NRXN3: variants seen among roughly 807,000 people sequenced by gnomAD.
NRXN3 encodes neurexin 3, also known as neurexin III.
Under a neutral mutation model 137.6 loss-of-function variants are expected in NRXN3, and 32 were observed. The ratio of observed to expected loss-of-function variants is 0.23; its 90% CI spans 0.18 to 0.31. The LOEUF is 0.31. NRXN3 is among the 10% of genes least tolerant of loss of function. The pLI is 1.00. For synonymous variants in NRXN3, 798 were observed against 784.5 expected (o/e 1.02, Z -0.29); for missense variants, 1,574 against 2,062.5 (o/e 0.76, Z 4.59).
intron 4 of NRXN3, among the ~76,000 whole-genome samples, chr14:78,423,005 A>G (rs1057489794): frequency 1.3e-5 from 2 of 152,228 alleles, no homozygotes; most frequent in African/African-American, 4.8e-5. Flanking sequence ...GCATGAAACA[A>G]AAAAGCAAAC....
intron 15 of NRXN3, among the ~76,000 whole-genome samples, chr14:79,041,922 G>A (rs1308931090): frequency 3.9e-5 from 6 of 152,120 alleles, no homozygotes; most frequent in Admixed American, 6.6e-5. Flanking sequence ...AAGAATAGGA[G>A]GGGAGGGAAT....
At chr14:78,809,767 C>T (rs1175738161) in intron 9 of NRXN3, among the ~76,000 whole-genome samples, 3 of 152,106 alleles carry the variant, frequency 2.0e-5, no homozygotes, top group African/African-American at 7.2e-5. Context: ...GGGTTAAGTA[C>T]GTCACTGAGC....
intron 1 of NRXN3, among the ~76,000 whole-genome samples, chr14:78,185,208 G>A (rs2060134632): frequency 6.6e-6 from 1 of 152,212 alleles, no homozygotes; most frequent in Non-Finnish European, 1.5e-5. Flanking sequence ...CCTAATCACT[G>A]CAGGAGGCCT....
intron 15 of NRXN3, among the ~76,000 whole-genome samples, chr14:79,376,867 T>C (rs2094317642): frequency 6.6e-6 from 1 of 152,234 alleles, no homozygotes; most frequent in African/African-American, 2.4e-5. Flanking sequence ...GCAAAGATGT[T>C]AATGCCATGC....
intron 15 of NRXN3, among the ~76,000 whole-genome samples, chr14:79,345,843 G>A (rs1176801463): frequency 6.6e-6 from 1 of 152,078 alleles, no homozygotes; most frequent in Non-Finnish European, 1.5e-5. Flanking sequence ...CTTCCTGTAC[G>A]TCCTGCAGAT....
intron 1 of NRXN3, among the ~76,000 whole-genome samples, chr14:78,219,845 G>T (rs2063661627): frequency 6.6e-6 from 1 of 152,184 alleles, no homozygotes; most frequent in Admixed American, 6.5e-5. Context: ...GAGGTTGGAA[G>T]TACAAAGATC....
intron 6 of NRXN3, among the ~76,000 whole-genome samples, chr14:78,694,361 A>T (rs561796263): frequency 3.2e-4 from 48 of 152,026 alleles, no homozygotes; most frequent in Non-Finnish European, 5.4e-4. Context: ...GGGAAGGGCC[A>T]ATGACTCTTT....
chr14:79,862,161 C>G lies in NRXN3; in HGVS notation c.*197C>G. The G allele has an allele frequency of 1.8e-6, 1 of 561,616 alleles. No individual in the cohort carries two copies. Among genetic ancestry groups the G allele is most frequent in the Non-Finnish European group, 3.1e-6 (1 of 317,600 alleles). 34.8% of individuals were successfully genotyped at this position (561,616 alleles called of 1,614,324 possible). A position where few individuals can be genotyped will look rare whatever the true frequency, so the allele number is the denominator to read the frequency against. On this transcript the variant is annotated 3_prime_UTR_variant, in exon 21 of 21. Transcript: ENST00000335750. Reference sequence around the variant, plus strand: ...CGATGCATCTCTCTCTAAAGCTCAGCCACGGCTGCGGCAAGGTCCCAGCGG... The same window carrying G: ...CGATGCATCTCTCTCTAAAGCTCAGGCACGGCTGCGGCAAGGTCCCAGCGG...
chr14:79,170,418 T>G (rs1281776568), intron 15 of NRXN3, among the ~76,000 whole-genome samples: 1 of 152,140 alleles, frequency 6.6e-6, no homozygotes, highest in East Asian at 1.9e-4. Flanking sequence ...TCCATACTTA[T>G]GTCAGATGGG....
chr14:79,849,724 C>G (rs895333038), intron 20 of NRXN3, among the ~76,000 whole-genome samples: 1 of 152,138 alleles, frequency 6.6e-6, no homozygotes, highest in African/African-American at 2.4e-5. Context: ...ATGGAATTGC[C>G]ATATAACCCA....
At chr14:78,818,795 C>A (rs1447832474) in intron 10 of NRXN3, among the ~76,000 whole-genome samples, 1 of 152,060 alleles carries the variant, frequency 6.6e-6, no homozygotes, top group Non-Finnish European at 1.5e-5. Context: ...AGGAGGAATT[C>A]TCATAGACTG....
At chr14:79,433,554 A>G (rs530799089) in intron 15 of NRXN3, among the ~76,000 whole-genome samples, 4 of 152,242 alleles carry the variant, frequency 2.6e-5, no homozygotes, top group African/African-American at 9.6e-5. Flanking sequence ...TGGGACCCCA[A>G]TTCTCTTTTT....
intron 20 of NRXN3, among the ~76,000 whole-genome samples, chr14:79,808,137 C>T (rs574191310): frequency 1.6e-4 from 24 of 151,614 alleles, no homozygotes; most frequent in African/African-American, 5.6e-4. Context: ...ACTCGGGAGG[C>T]TGAGGTAGAG....
chr14:78,243,042 C>T lies in NRXN3; in HGVS notation c.-52C>T, dbSNP rs2067234203. 1.6e-5 allele frequency: 21 copies of T among 1,328,092 alleles called. No homozygotes were observed. Among genetic ancestry groups the T allele is most frequent in the African/African-American group, 3.0e-5 (2 of 67,724 alleles). 82.3% of individuals were successfully genotyped at this position (1,328,092 alleles called of 1,614,324 possible). A position where few individuals can be genotyped will look rare whatever the true frequency, so the allele number is the denominator to read the frequency against. On this transcript the variant is annotated 5_prime_UTR_variant, in exon 2 of 21. Transcript: ENST00000335750. The surrounding 1 kb of genome is among the most constrained non-coding windows in gnomAD (Gnocchi z 4.2). ...TATTGCCAAAGGGAGAGATCCTCTC[C>T]GGGCTGTTCCCTGGCCTGTCTGCTC...
chr14:78,667,909 G>T (rs542172647), intron 6 of NRXN3, among the ~76,000 whole-genome samples: 1 of 151,854 alleles, frequency 6.6e-6, no homozygotes, highest in Admixed American at 6.6e-5. Context: ...TCTGCCTCCC[G>T]AGTAGCTGGG....
chr14:78,771,076 T>C (rs1274851494), intron 8 of NRXN3, among the ~76,000 whole-genome samples: 1 of 152,200 alleles, frequency 6.6e-6, no homozygotes. Flanking sequence ...CTAAATGCTT[T>C]GGACCACTTG....
At chr14:78,985,432 T>G (rs1461976886) in intron 14 of NRXN3, among the ~76,000 whole-genome samples, 1 of 152,192 alleles carries the variant, frequency 6.6e-6, no homozygotes, top group Non-Finnish European at 1.5e-5. Context: ...ATGCAAAAAT[T>G]AATGACGCAG....
chr14:79,330,292 A>G (rs1166590349), intron 15 of NRXN3, among the ~76,000 whole-genome samples: 1 of 152,100 alleles, frequency 6.6e-6, no homozygotes, highest in Non-Finnish European at 1.5e-5. Context: ...AATGATGGAA[A>G]TATTTGATTC....
rs760336563 is a variant in NRXN3 at position 78,810,324 on chromosome 14, T to A, written c.2255T>A (p.Ile752Asn). ...RVKLMVNLDC[I>N]RINCNSSKGP... ...TTTATTTTTCCCCATCTAGACTGTA[T>A]CAGGATAAACTGTAACTCCAGTAAG... Residue 752 changes from isoleucine to asparagine, a missense_variant, in exon 10 of 21, where the codon ATC becomes AAC. This residue lies in a region of NRXN3 where 718 missense variants were observed against 887.6 expected (regional missense o/e 0.81). Coordinates refer to ENST00000335750, the MANE Select transcript of NRXN3 (RefSeq NM_001330195.2). The A allele has an allele frequency of 1.1e-5, 16 of 1,499,460 alleles. No individual in the cohort carries two copies. Among genetic ancestry groups the A allele is most frequent in the Non-Finnish European group, 1.3e-5 (15 of 1,113,446 alleles). The allele number at this position is 1,499,460 out of a possible 1,614,324, so 92.9% of individuals were successfully genotyped here.
Sources: allele counts gnomAD v4.1 joint callset (sites outside exome capture counted in the v4.1 genomes callset), GRCh38; gene constraint gnomAD v4.1.1; regional missense constraint gnomAD v4.1.1; non-coding constraint Gnocchi (gnomAD v3.1); transcripts MANE v1.5; gene names NCBI Gene and HGNC (gene_info 2026-07-23, HGNC 2026-07-21).